RNLS: variants seen among roughly 807,000 people sequenced by gnomAD.
RNLS encodes the protein renalase, FAD dependent amine oxidase.
RNLS carries 39 observed loss-of-function variants against 39.8 expected under a neutral mutation model. The ratio of observed to expected loss-of-function variants is 0.98; its 90% CI spans 0.76 to 1.28. The LOEUF is 1.28. RNLS is among the 50% of genes most tolerant of loss of function. The pLI is 0.00. For synonymous variants in RNLS, 147 were observed against 150.7 expected (o/e 0.98, Z 0.18); for missense variants, 410 against 413.3 (o/e 0.99, Z 0.07).
At chr10:88,556,742 A>C (rs895919825) in intron 4 of RNLS, among the ~76,000 whole-genome samples, 45 of 152,244 alleles carry the variant, frequency 3.0e-4, no homozygotes, top group African/African-American at 1.1e-3. Context: ...CTTGGTTTAC[A>C]CTTTCACTAC....
intron 6 of RNLS, among the ~76,000 whole-genome samples, chr10:88,307,725 A>C (rs1845033071): frequency 6.6e-6 from 1 of 152,252 alleles, no homozygotes. Flanking sequence ...GATAGGAAGA[A>C]TCAATATTGT....
chr10:88,311,254 C>T (rs565814266), intron 6 of RNLS, among the ~76,000 whole-genome samples: 2 of 152,228 alleles, frequency 1.3e-5, no homozygotes, highest in South Asian at 2.1e-4. Flanking sequence ...CAGAGTATTA[C>T]GGTTATCAAA....
chr10:88,295,109 G>T (rs1489263693), intron 6 of RNLS, among the ~76,000 whole-genome samples: 1 of 152,030 alleles, frequency 6.6e-6, no homozygotes, highest in Non-Finnish European at 1.5e-5. Context: ...TAGTGAAGTA[G>T]AAATCATATA....
chr10:88,546,407 T>C (rs1848315692), intron 4 of RNLS, among the ~76,000 whole-genome samples: 1 of 151,972 alleles, frequency 6.6e-6, no homozygotes, highest in African/African-American at 2.4e-5. Flanking sequence ...AAATGAAAAA[T>C]ATAAAATTGT....
At chr10:88,277,856 T>G (rs184334127) in intron 6 of RNLS, among the ~76,000 whole-genome samples, 1 of 152,206 alleles carries the variant, frequency 6.6e-6, no homozygotes, top group Non-Finnish European at 1.5e-5. Context: ...AGTTTTAAAA[T>G]AGAAGTCCTT....
At chr10:88,335,945 T>C (rs994484521) in intron 5 of RNLS, among the ~76,000 whole-genome samples, 1 of 152,238 alleles carries the variant, frequency 6.6e-6, no homozygotes, top group African/African-American at 2.4e-5. Flanking sequence ...TGGTAAGCAA[T>C]GAATAATTGT....
At chr10:88,198,330 C>A in the RNLS span, among the ~76,000 whole-genome samples, 2 of 152,176 alleles carry the variant, frequency 1.3e-5, no homozygotes, top group South Asian at 4.1e-4. Flanking sequence ...AGCAGGGTTT[C>A]TTTTGATCAG....
Position 88,572,893 on chromosome 10 carries a change from G to A in RNLS, c.526+10C>T. ...TCCCTGAGGCAGGTAAATGGCAAAA[G>A]CAGACTCACAGGTGGTGATGTCACC... On this transcript the variant is annotated intron_variant, in intron 4 of 6. Transcript: ENST00000331772. 1.2e-6 allele frequency: 2 copies of A among 1,611,880 alleles called. No individual in the cohort carries two copies. Among genetic ancestry groups the A allele is most frequent in the Non-Finnish European group, 1.7e-6 (2 of 1,178,540 alleles).
chr10:88,482,519 CCCCTCA>C (rs1844247433), intron 4 of RNLS, among the ~76,000 whole-genome samples: 1 of 152,036 alleles, frequency 6.6e-6, no homozygotes, highest in Non-Finnish European at 1.5e-5. Context: ...TAACTTATAT[CCCCTCA>C]TTGAGATTTA....
rs534993694 is a variant in RNLS at position 88,313,841 on chromosome 10, T to C, written c.876+625A>G. ...CTTTTTCTATGAATACTCACTTCCA[T>C]TGAAATATGCAGAAATTTTCAGAAA... On this transcript the variant is annotated intron_variant, in intron 6 of 6. Coordinates refer to ENST00000331772, the MANE Select transcript of RNLS (RefSeq NM_001031709.3). Among the ~76,000 whole-genome samples the C allele has an allele frequency of 4.6e-5, 7 of 152,312 alleles. No individual in the cohort carries two copies. In the East Asian group the frequency reaches 1.3e-3, roughly 29 times the overall value.
At chr10:88,212,332 GGTGTGTATGTAATACATATTTGTCCT>G in the RNLS span, among the ~76,000 whole-genome samples, 8 of 152,262 alleles carry the variant, frequency 5.3e-5, no homozygotes, top group South Asian at 1.5e-3. Flanking sequence ...TCTTGTGCAA[GGTGTGTATGTAATACATATTTGTCCT>G]GTGTGTATGT....
chr10:88,578,589 CAA>C, intron 3 of RNLS, among the ~76,000 whole-genome samples: 1 of 151,958 alleles, frequency 6.6e-6, no homozygotes, highest in Admixed American at 6.6e-5. Context: ...TTAAAATAAA[CAA>C]AGAAAAATTT....
At chr10:88,520,417 T>C (rs1846656823) in intron 4 of RNLS, among the ~76,000 whole-genome samples, 1 of 152,070 alleles carries the variant, frequency 6.6e-6, no homozygotes, top group African/African-American at 2.4e-5. Context: ...AATTGTCTTC[T>C]GGCAGGTCAG....
chr10:88,199,396 G>A, the RNLS span, among the ~76,000 whole-genome samples: 114 of 152,250 alleles, frequency 7.5e-4, no homozygotes, highest in African/African-American at 2.6e-3. Flanking sequence ...GTTGTTGGCC[G>A]TCTGTCCCAA....
intron 4 of RNLS, among the ~76,000 whole-genome samples, chr10:88,407,233 G>A (rs978130179): frequency 3.3e-5 from 5 of 151,938 alleles, no homozygotes; most frequent in African/African-American, 4.8e-5. Context: ...CTCAAACTCC[G>A]TGTGCATGTG....
At chr10:88,306,975 G>A (rs1844967102) in intron 6 of RNLS, among the ~76,000 whole-genome samples, 1 of 152,104 alleles carries the variant, frequency 6.6e-6, no homozygotes, top group Non-Finnish European at 1.5e-5. Context: ...TATCCACCAT[G>A]ATCAAGTAGG....
At chr10:88,418,746 A>G (rs927231183) in intron 4 of RNLS, among the ~76,000 whole-genome samples, 1 of 152,162 alleles carries the variant, frequency 6.6e-6, no homozygotes. Context: ...CTAAAACTTA[A>G]CCACATCTCG....
the RNLS span, among the ~76,000 whole-genome samples, chr10:88,183,107 T>C: frequency 4.6e-5 from 7 of 152,298 alleles, no homozygotes; most frequent in African/African-American, 1.7e-4. Context: ...GTGAAGAAGG[T>C]ACTTTCAGTT....
At chr10:88,245,042 C>T in the RNLS span, among the ~76,000 whole-genome samples, 1 of 151,876 alleles carries the variant, frequency 6.6e-6, no homozygotes, top group Non-Finnish European at 1.5e-5. Context: ...GTTCATTTTC[C>T]CACAGGGTAA....
Sources: gnomAD v4.1 joint callset for allele counts (sites outside exome capture counted in the v4.1 genomes callset) on GRCh38, gnomAD v4.1.1 for gene constraint, MANE v1.5 for transcripts, NCBI Gene and HGNC (gene_info 2026-07-23, HGNC 2026-07-21) for gene names.